NPSR1: variants seen among roughly 807,000 people sequenced by gnomAD.
The protein encoded by NPSR1 is neuropeptide S receptor 1, also known as neuropeptide S receptor.
Under a neutral mutation model 46.9 loss-of-function variants are expected in NPSR1, and 48 were observed. The observed-to-expected ratio is 1.02, with a 90% CI of 0.81 to 1.30. The LOEUF (loss-of-function observed/expected upper bound fraction) is 1.30, where lower values mean the gene tolerates loss of function less well. NPSR1 is among the 50% of genes most tolerant of loss of function. The probability of loss-of-function intolerance (pLI) is 0.00; values close to 1 mark genes in which losing one functional copy is unlikely to be tolerated. For synonymous variants in NPSR1, 176 were observed against 168.1 expected, an observed-to-expected ratio of 1.05 and a Z score of -0.36; for missense variants, 450 against 449.5, an observed-to-expected ratio of 1.00 and a Z score of -0.01.
intron 1 of NPSR1, among the ~76,000 whole-genome samples, chr7:34,681,875 A>G (rs893106105): frequency 6.6e-6 from 1 of 152,190 alleles, no homozygotes; most frequent in African/African-American, 2.4e-5. Flanking sequence ...CTGGGCTATG[A>G]TATTTTGAGC....
At chr7:34,691,383 T>A (rs529582534) in intron 2 of NPSR1, among the ~76,000 whole-genome samples, 17 of 152,190 alleles carry the variant, frequency 1.1e-4, no homozygotes, top group Middle Eastern at 3.2e-3. Context: ...TAATCTTGAA[T>A]GCAAATGGCC....
At chr7:34,673,164 T>C (rs555776711) in intron 1 of NPSR1, among the ~76,000 whole-genome samples, 1 of 152,182 alleles carries the variant, frequency 6.6e-6, no homozygotes, top group Non-Finnish European at 1.5e-5. Context: ...TTCTATTACA[T>C]GTTCCTTATT....
At chr7:34,804,108 A>G (rs867717367) in intron 3 of NPSR1, among the ~76,000 whole-genome samples, 6 of 152,128 alleles carry the variant, frequency 3.9e-5, no homozygotes, top group African/African-American at 1.4e-4. Flanking sequence ...AGTCTTCTCT[A>G]GAAAACAGAT....
At chr7:34,866,591 C>T (rs1791321164) in intron 8 of NPSR1, among the ~76,000 whole-genome samples, 2 of 151,328 alleles carry the variant, frequency 1.3e-5, no homozygotes, top group Admixed American at 1.3e-4. Context: ...AACTCAGTTG[C>T]ACAATTGCAT....
intron 2 of NPSR1, among the ~76,000 whole-genome samples, chr7:34,700,800 G>A (rs1318193669): frequency 6.6e-6 from 1 of 152,116 alleles, no homozygotes; most frequent in Non-Finnish European, 1.5e-5. Context: ...CAAAAAATGG[G>A]AATACCTCTT....
chr7:34,737,422 C>G (rs979376935), intron 2 of NPSR1, among the ~76,000 whole-genome samples: 1 of 152,210 alleles, frequency 6.6e-6, no homozygotes, highest in African/African-American at 2.4e-5. Flanking sequence ...TTCTTTACCA[C>G]CCATTAGAGG....
rs562503633 is a variant in NPSR1, at chr7:34,720,479, C to CAGACATAAGATATGATGCAATGTGT, written c.280+35798_280+35822dup. ...GGGAAATATGGGCAGGATGTAGGGG[C>CAGACATAAGATATGATGCAATGTGT]AGACATAAGATATGATGCAATGTGT... On this transcript the variant is annotated intron_variant, in intron 2 of 8. Transcript: ENST00000360581. 1.5e-4 allele frequency among the ~76,000 whole-genome samples: 23 copies of CAGACATAAGATATGATGCAATGTGT among 152,158 alleles called. No individual in the cohort carries two copies. In the South Asian group the frequency reaches 4.6e-3, roughly 30 times the overall value.
rs193126976 is a variant in NPSR1, at chr7:34,862,156, A to G, written c.1025+13493A>G. On this transcript the variant is annotated intron_variant, in intron 8 of 8. Coordinates refer to the NPSR1 transcript ENST00000359791. ...AAACCAAATTTCTCAGACTACCTCA[A>G]TCATTGACTTCCTGTCTGCCAAAAG... is the stretch of plus-strand genomic sequence containing the variant. 2.2e-4 allele frequency among the ~76,000 whole-genome samples: 34 copies of G among 151,820 alleles called. No individual in the cohort carries two copies. The East Asian group carries it at 5.8e-3, about 26-fold the overall frequency.
intron 5 of NPSR1, 39 bp downstream of exon 5, chr7:34,827,641 GGC>G: frequency 1.4e-6 from 1 of 728,944 alleles, no homozygotes; most frequent in Admixed American, 2.1e-5. Context: ...GGGGGGGTGG[GGC>G]GGGGGGGGCT....
At chr7:34,825,773 C>T (rs1367695028) in intron 4 of NPSR1, among the ~76,000 whole-genome samples, 1 of 152,156 alleles carries the variant, frequency 6.6e-6, no homozygotes, top group South Asian at 2.1e-4. Flanking sequence ...ATGACAGCAG[C>T]AGTCAAGCAA....
Position 34,860,349 on chromosome 7 carries a change from G to A in NPSR1, c.1025+11686G>A, listed in dbSNP as rs191643842. Among the ~76,000 whole-genome samples the A allele has an allele frequency of 5.1e-3, 769 of 151,820 alleles. 6 individuals are homozygous for A. The highest frequency in any genetic ancestry group is 9.8e-3 in the Admixed American group (150 of 15,284). ...ATTGCTTATGTGTATTGTATGCATT[G>A]ATATTTACATGGATATTTATAATCC... is the stretch of plus-strand genomic sequence containing the variant. On this transcript the variant is annotated intron_variant, in intron 8 of 8. Transcript: ENST00000359791.
intron 1 of NPSR1, among the ~76,000 whole-genome samples, chr7:34,677,410 G>A (rs1183404489): frequency 6.6e-6 from 1 of 152,166 alleles, no homozygotes; most frequent in Non-Finnish European, 1.5e-5. Context: ...ACATGAAAGA[G>A]AGATATAGTC....
chr7:34,794,826 AT>A (rs1469621389), intron 3 of NPSR1, among the ~76,000 whole-genome samples: 13 of 152,180 alleles, frequency 8.5e-5, no homozygotes, highest in African/African-American at 2.9e-4. Context: ...TATAAAAATA[AT>A]TCTACACTTG....
intron 8 of NPSR1, among the ~76,000 whole-genome samples, chr7:34,849,073 T>A (rs1200500030): frequency 6.6e-6 from 1 of 152,252 alleles, no homozygotes; most frequent in Non-Finnish European, 1.5e-5. Context: ...TTAGCAGAGC[T>A]GAAATTAAAT....
At chr7:34,749,138 A>G (rs548474881) in intron 2 of NPSR1, among the ~76,000 whole-genome samples, 1 of 152,104 alleles carries the variant, frequency 6.6e-6, no homozygotes, top group Non-Finnish European at 1.5e-5. Flanking sequence ...CTCCCTCTGC[A>G]ATGTTCATGA....
intron 2 of NPSR1, among the ~76,000 whole-genome samples, chr7:34,746,471 T>TA (rs1173722659): frequency 3.9e-5 from 6 of 152,180 alleles, no homozygotes; most frequent in African/African-American, 9.7e-5. Flanking sequence ...TATGTATGTA[T>TA]AAAAGAAAAC....
At chr7:34,872,233 T>C (rs1295977722) in intron 8 of NPSR1, among the ~76,000 whole-genome samples, 2 of 151,936 alleles carry the variant, frequency 1.3e-5, no homozygotes, top group Admixed American at 1.3e-4. Flanking sequence ...CTTGGCCCCT[T>C]TGAGTCATGC....
At chr7:34,844,008 G>A (rs1297800054) in intron 6 of NPSR1, among the ~76,000 whole-genome samples, 7 of 152,180 alleles carry the variant, frequency 4.6e-5, no homozygotes, top group Non-Finnish European at 4.4e-5. Context: ...TCAGAGCAAG[G>A]GCCCCTTTTC....
intron 7 of NPSR1, among the ~76,000 whole-genome samples, chr7:34,845,923 C>T (rs1005916182): frequency 1.3e-5 from 2 of 152,186 alleles, no homozygotes; most frequent in African/African-American, 4.8e-5. Flanking sequence ...GCTCTTGAAG[C>T]TCCAAGGAAG....
Sources: gnomAD v4.1 joint callset for allele counts (sites outside exome capture counted in the v4.1 genomes callset) on GRCh38, gnomAD v4.1.1 for gene constraint, MANE v1.5 for transcripts, NCBI Gene and HGNC (gene_info 2026-07-23, HGNC 2026-07-21) for gene names.